Variants in DGKB observed in about 807,000 individuals in gnomAD.
DGKB encodes diacylglycerol kinase beta.
DGKB carries 67 observed loss-of-function variants against 114.3 expected under a neutral mutation model. The observed-to-expected ratio is 0.59, with a 90% confidence interval of 0.48 to 0.72. The LOEUF is 0.72. DGKB is among the 30% of genes least tolerant of loss of function. DGKB has a pLI of 0.00. For missense variants in DGKB, 907 were observed against 975.2 expected, an observed-to-expected ratio of 0.93 and a Z score of 0.93; for synonymous variants, 398 against 323.1, an observed-to-expected ratio of 1.23 and a Z score of -2.49.
At chr7:14,686,802 T>C (rs2128978913) in intron 9 of DGKB, among the ~76,000 whole-genome samples, 1 of 152,294 alleles carries the variant, frequency 6.6e-6, no homozygotes, top group Non-Finnish European at 1.5e-5. Context: ...GGTGGGTCTC[T>C]TGAATTTCTT....
rs775150567 is a variant in DGKB, at chr7:14,694,127, A to G, written c.659T>C (p.Ile220Thr). The G allele has an allele frequency of 6.3e-7, 1 of 1,593,242 alleles. No individual in the cohort carries two copies. The highest frequency in any genetic ancestry group is 8.6e-7 in the Non-Finnish European group (1 of 1,168,404). ...HDGTVSLEEW[I>T]QGGMTTIPLL... ...TGGAATCGTTGTCATTCCTCCTTGA[A>G]TCCATTCCTCCAGAGACACGGTTCC... Residue 220 changes from isoleucine (I) to threonine (T), a missense_variant, in exon 9 of 26, where the codon ATT becomes ACT. Physicochemically the swap from Ile to Thr is moderately conservative, Grantham distance 89 (BLOSUM62 -1). Around this residue, in one of 3 missense-constraint regions of DGKB, gnomAD observed 814 missense variants for 856.6 expected, o/e 0.95. Transcript: ENST00000402815.
chr7:14,273,561 T>G (rs997798382), intron 23 of DGKB, among the ~76,000 whole-genome samples: 1 of 152,212 alleles, frequency 6.6e-6, no homozygotes, highest in Non-Finnish European at 1.5e-5. Context: ...CATTGTTGTA[T>G]TGACACAAGG....
intron 13 of DGKB, among the ~76,000 whole-genome samples, chr7:14,630,643 T>C (rs1232980237): frequency 1.3e-5 from 2 of 152,074 alleles, no homozygotes; most frequent in Non-Finnish European, 2.9e-5. Context: ...AGTCCAACTC[T>C]CATTCTTTCC....
At chr7:14,775,612 G>C (rs949032207) in intron 2 of DGKB, among the ~76,000 whole-genome samples, 1 of 151,988 alleles carries the variant, frequency 6.6e-6, no homozygotes, top group South Asian at 2.1e-4. Context: ...GTTCTCATGA[G>C]ACCTGGTGGT....
At chr7:14,868,071 T>C (rs1851933698) in intron 1 of DGKB, among the ~76,000 whole-genome samples, 1 of 152,166 alleles carries the variant, frequency 6.6e-6, no homozygotes, top group African/African-American at 2.4e-5. Context: ...AATTAACACC[T>C]CTGCGTCTCC....
intron 21 of DGKB, among the ~76,000 whole-genome samples, chr7:14,447,161 A>G (rs1042128724): frequency 2.0e-5 from 3 of 152,086 alleles, no homozygotes; most frequent in African/African-American, 7.2e-5. Flanking sequence ...CCTAGGGGGA[A>G]CTTTAGCTCC....
intron 5 of DGKB, among the ~76,000 whole-genome samples, chr7:14,726,730 C>T (rs971328348): frequency 3.9e-5 from 6 of 152,216 alleles, no homozygotes; most frequent in Admixed American, 3.3e-4. Context: ...TAAACATGCA[C>T]ATATATTTGC....
intron 23 of DGKB, among the ~76,000 whole-genome samples, chr7:14,270,099 C>T (rs866596475): frequency 7.1e-5 from 10 of 140,810 alleles, no homozygotes; most frequent in African/African-American, 2.6e-4. Context: ...GAATGCACTT[C>T]ACGATAAGGG....
intron 20 of DGKB, among the ~76,000 whole-genome samples, chr7:14,517,999 G>A (rs113860574): frequency 8.5e-5 from 13 of 152,110 alleles, no homozygotes; most frequent in Non-Finnish European, 1.5e-5. Flanking sequence ...CTGCCATAAA[G>A]ACACATGCAC....
chr7:14,533,216 T>C (rs562673186), intron 20 of DGKB, among the ~76,000 whole-genome samples: 50 of 151,846 alleles, frequency 3.3e-4, no homozygotes, highest in African/African-American at 1.2e-3. Context: ...ATAAGTCAAC[T>C]AAAACTTTCA....
chr7:14,887,641 C>T (rs1005749546), intron 1 of DGKB, among the ~76,000 whole-genome samples: 1 of 151,708 alleles, frequency 6.6e-6, no homozygotes, highest in Non-Finnish European at 1.5e-5. Context: ...AGGAATGGAA[C>T]ACATTTTAAA....
chr7:14,862,690 G>T (rs1851163050), intron 1 of DGKB, among the ~76,000 whole-genome samples: 1 of 151,832 alleles, frequency 6.6e-6, no homozygotes. Context: ...AATGTTTTTT[G>T]CTTGTACTTA....
chr7:14,309,183 T>C (rs1184095285), intron 23 of DGKB, among the ~76,000 whole-genome samples: 1 of 152,054 alleles, frequency 6.6e-6, no homozygotes, highest in Admixed American at 6.6e-5. Flanking sequence ...GCCACTGCAC[T>C]CCAGTCTGGG....
intron 21 of DGKB, among the ~76,000 whole-genome samples, chr7:14,436,910 G>T (rs1055111757): frequency 6.6e-6 from 1 of 152,038 alleles, no homozygotes; most frequent in Non-Finnish European, 1.5e-5. Flanking sequence ...TTAGCTAGGT[G>T]AATTATTAAA....
At chr7:14,397,383 C>T (rs1822390622) in intron 21 of DGKB, among the ~76,000 whole-genome samples, 1 of 152,038 alleles carries the variant, frequency 6.6e-6, no homozygotes, top group Non-Finnish European at 1.5e-5. Flanking sequence ...TGCATATTTG[C>T]ACCTTTCCCT....
intron 13 of DGKB, among the ~76,000 whole-genome samples, chr7:14,638,190 T>C (rs17168323): frequency 0.027 from 4,110 of 152,154 alleles, 172 homozygotes; most frequent in African/African-American, 0.094. Flanking sequence ...GTACCATCTA[T>C]TGGATATTTT....
chr7:14,349,571 C>A (rs1250825226), intron 21 of DGKB, among the ~76,000 whole-genome samples: 2 of 152,088 alleles, frequency 1.3e-5, no homozygotes, highest in African/African-American at 2.4e-5. Flanking sequence ...CCTTATTCAC[C>A]ATATTAGTTA....
chr7:14,527,490 G>C (rs527572979), intron 20 of DGKB, among the ~76,000 whole-genome samples: 2 of 152,056 alleles, frequency 1.3e-5, no homozygotes, highest in South Asian at 4.2e-4. Context: ...TGGCATAATA[G>C]CAATTCTGCA....
chr7:14,278,929 A>G (rs1247099661), intron 23 of DGKB, among the ~76,000 whole-genome samples: 3 of 152,188 alleles, frequency 2.0e-5, no homozygotes, highest in Non-Finnish European at 4.4e-5. Flanking sequence ...AGCCTGAGCA[A>G]CGCAGAAGAC....
Sources: gnomAD v4.1 joint callset for allele counts (sites outside exome capture counted in the v4.1 genomes callset) on GRCh38, gnomAD v4.1.1 for gene constraint, gnomAD v4.1.1 regional missense constraint, MANE v1.5 for transcripts, NCBI Gene and HGNC (gene_info 2026-07-23, HGNC 2026-07-21) for gene names.